ESR1: variants seen among roughly 807,000 people sequenced by gnomAD.
ESR1 encodes estrogen receptor.
In ESR1, 12 loss-of-function variants were observed where a neutral mutation model predicts 52.7. The ratio of observed to expected loss-of-function variants is 0.23; its 90% CI spans 0.15 to 0.37. The LOEUF is 0.37. Ranked by LOEUF, ESR1 falls within the 10% of genes least tolerant of loss-of-function variation. The pLI is 1.00. For missense variants in ESR1, 584 were observed against 779.7 expected (o/e 0.75, Z 2.99); for synonymous variants, 305 against 316.8 (o/e 0.96, Z 0.39).
chr6:151,973,192 AT>A (rs1447995018), intron 4 of ESR1, among the ~76,000 whole-genome samples: 1 of 152,174 alleles, frequency 6.6e-6, no homozygotes, highest in African/African-American at 2.4e-5. Flanking sequence ...CAACCAAAAG[AT>A]TATCTCATTT....
rs547655509 is a variant in ESR1, at chr6:151,946,212, G to T, written c.1096+1704G>T. ...GAAACTAATGGTCATATATTTGAGA[G>T]CCAACTCTTGGTTGCTGTTCAGTTT... On this transcript the variant is annotated intron_variant, in intron 4 of 7. Coordinates refer to ENST00000206249, the MANE Select transcript of ESR1 (RefSeq NM_000125.4). 5.9e-5 allele frequency among the ~76,000 whole-genome samples: 9 copies of T among 152,226 alleles called. No homozygotes were observed. The South Asian group carries it at 6.2e-4, about 11-fold the overall frequency.
chr6:151,725,383 T>C (rs987624963), intron 2 of ESR1, among the ~76,000 whole-genome samples: 7 of 152,212 alleles, frequency 4.6e-5, no homozygotes, highest in African/African-American at 1.4e-4. Context: ...TTCAAGGACA[T>C]AGAATTTATT....
intron 2 of ESR1, among the ~76,000 whole-genome samples, chr6:151,859,370 A>T (rs994829001): frequency 6.6e-6 from 1 of 152,234 alleles, no homozygotes; most frequent in African/African-American, 2.4e-5. Flanking sequence ...ATTATTTCAC[A>T]TATTAGTTAA....
chr6:151,664,987 T>C (rs1373037286), intron 1 of ESR1, among the ~76,000 whole-genome samples: 2 of 152,232 alleles, frequency 1.3e-5, no homozygotes, highest in Non-Finnish European at 2.9e-5. Flanking sequence ...GTAGATAACA[T>C]GCCAGCTTTA....
chr6:152,095,354 G>C (rs1370269120), intron 7 of ESR1, among the ~76,000 whole-genome samples: 23 of 152,184 alleles, frequency 1.5e-4, no homozygotes, highest in Admixed American at 1.4e-3. Flanking sequence ...GAGTCATCGG[G>C]GGGAGGTTCT....
intron 2 of ESR1, among the ~76,000 whole-genome samples, chr6:151,793,675 C>G (rs1390851733): frequency 1.3e-5 from 2 of 152,178 alleles, no homozygotes; most frequent in African/African-American, 4.8e-5. Context: ...TCCATTATAA[C>G]CTTACAAGAC....
chr6:151,794,961 C>T (rs1176927471), intron 2 of ESR1, among the ~76,000 whole-genome samples: 1 of 152,150 alleles, frequency 6.6e-6, no homozygotes, highest in Non-Finnish European at 1.5e-5. Context: ...ATCACACTCT[C>T]AGTACCTTTC....
chr6:151,838,797 T>G (rs1783818278), intron 1 of ESR1, among the ~76,000 whole-genome samples: 1 of 152,210 alleles, frequency 6.6e-6, no homozygotes, highest in Admixed American at 6.5e-5. Context: ...TTTCCCCGTC[T>G]TCTTTAGATG....
chr6:151,858,132 T>A (rs1032137317), intron 2 of ESR1, among the ~76,000 whole-genome samples: 1 of 152,224 alleles, frequency 6.6e-6, no homozygotes, highest in East Asian at 1.9e-4. Context: ...AAATTTGCAC[T>A]CAAGTTCAGC....
intron 1 of ESR1, chr6:151,814,086 G>C (rs954798956): frequency 6.6e-6 from 1 of 152,180 alleles, no homozygotes; most frequent in Non-Finnish European, 1.5e-5. Flanking sequence ...GTTCCTAAAC[G>C]GTGGCAAGTT....
intron 6 of ESR1, chr6:152,121,548 C>T (rs2051383932): frequency 6.6e-6 from 1 of 152,262 alleles, no homozygotes; most frequent in South Asian, 2.1e-4. Flanking sequence ...TCTTGCCATC[C>T]TTTTCCTTTA....
At chr6:151,681,642 C>T (rs1356471748) in intron 1 of ESR1, among the ~76,000 whole-genome samples, 4 of 152,180 alleles carry the variant, frequency 2.6e-5, no homozygotes, top group Non-Finnish European at 5.9e-5. Flanking sequence ...GAACATTTCC[C>T]GTCCTGGTTG....
chr6:151,661,672 T>C (rs938975388), intron 1 of ESR1, among the ~76,000 whole-genome samples: 2 of 152,184 alleles, frequency 1.3e-5, no homozygotes, highest in Non-Finnish European at 2.9e-5. Flanking sequence ...CCAAATCTTA[T>C]CTTGAATTGT....
At chr6:151,755,547 C>G (rs1784219876) in intron 2 of ESR1, among the ~76,000 whole-genome samples, 1 of 152,204 alleles carries the variant, frequency 6.6e-6, no homozygotes, top group Non-Finnish European at 1.5e-5. Context: ...CCTGCTCCTG[C>G]CTTTCCTGCC....
At chr6:151,931,568 C>T (rs1380888270) in intron 3 of ESR1, among the ~76,000 whole-genome samples, 1 of 149,414 alleles carries the variant, frequency 6.7e-6, no homozygotes, top group Non-Finnish European at 1.5e-5. Context: ...CGTCATCTAG[C>T]ATTAGGTATA....
chr6:152,027,154 C>A (rs1355403288), intron 5 of ESR1, among the ~76,000 whole-genome samples: 1 of 152,022 alleles, frequency 6.6e-6, no homozygotes, highest in African/African-American at 2.4e-5. Context: ...TTAGTAGAGA[C>A]AGGGTTTCCC....
chr6:151,913,008 G>T (rs1798517870), intron 3 of ESR1, among the ~76,000 whole-genome samples: 1 of 151,840 alleles, frequency 6.6e-6, no homozygotes, highest in East Asian at 1.9e-4. Flanking sequence ...GATAGGTGTA[G>T]CAAACCACCA....
At chr6:151,958,101 C>G (rs773389800) in intron 4 of ESR1, among the ~76,000 whole-genome samples, 2 of 152,116 alleles carry the variant, frequency 1.3e-5, no homozygotes, top group Non-Finnish European at 2.9e-5. Flanking sequence ...GCAATTGTAC[C>G]TGGAATAAAT....
In ESR1 at chr6:151,756,894, G is replaced by A. The variant is rs143230052; in HGVS notation, c.-70-50949G>A. 2.2e-3 allele frequency among the ~76,000 whole-genome samples: 330 copies of A among 152,264 alleles called. 2 individuals carry two copies. The highest frequency in any genetic ancestry group is 7.6e-3 in the African/African-American group (315 of 41,568). ...AATCCCAGCTACTCGGGAGGCTGAG[G>A]CACAAGAATCGCTTGAACCCTGGAG... On this transcript the variant is annotated intron_variant, in intron 2 of 2. Transcript: ENST00000404742.
Sources: gnomAD v4.1 joint callset for allele counts (sites outside exome capture counted in the v4.1 genomes callset) on GRCh38, gnomAD v4.1.1 for gene constraint, MANE v1.5 for transcripts, NCBI Gene and HGNC (gene_info 2026-07-23, HGNC 2026-07-21) for gene names.